Variants in SRPK2 observed in about 807,000 individuals in gnomAD.
SRPK2 encodes the protein SRSF protein kinase 2.
Under a neutral mutation model 90.8 loss-of-function variants are expected in SRPK2, and 21 were observed. That is an observed-to-expected ratio of 0.23 (90% confidence interval 0.16 to 0.33). The LOEUF is 0.33. SRPK2 is among the 10% of genes least tolerant of loss of function. The pLI is 1.00. For missense variants in SRPK2, 620 were observed against 869.0 expected, an observed-to-expected ratio of 0.71 and a Z score of 3.60; for synonymous variants, 288 against 311.1, an observed-to-expected ratio of 0.93 and a Z score of 0.78.
At position 105,280,947 on chromosome 7, in the gene SRPK2, C is replaced by CAA. The variant is rs1158350206; in HGVS notation, c.72-77164_72-77163dup. 7.4e-4 allele frequency among the ~76,000 whole-genome samples: 32 copies of CAA among 43,326 alleles called. 3 individuals carry two copies. The highest frequency in any genetic ancestry group is 2.6e-3 in the Admixed American group (6 of 2,288). The allele number at this position is 43,326 out of a possible 152,430, so 28.4% of individuals were successfully genotyped here. On this transcript the variant is annotated intron_variant, in intron 2 of 15. Transcript: ENST00000393651. The stretch of plus-strand genomic sequence containing the variant: ...GGGCGACAGAGCGAAGACTCCATCT[C>CAA]AAAAAAAAAAAAAAAAAAAAAAAAA...
At chr7:105,168,634 A>C (rs1309090730) in intron 4 of SRPK2, among the ~76,000 whole-genome samples, 1 of 152,030 alleles carries the variant, frequency 6.6e-6, no homozygotes, top group Non-Finnish European at 1.5e-5. Context: ...AATTAAAATA[A>C]GACTAGATAA....
At chr7:105,194,166 C>T (rs1794635176) in intron 3 of SRPK2, among the ~76,000 whole-genome samples, 1 of 151,992 alleles carries the variant, frequency 6.6e-6, no homozygotes, top group Non-Finnish European at 1.5e-5. Flanking sequence ...CTTCCCTACT[C>T]CCAAGGTTGT....
chr7:105,301,375 G>T (rs956102901), intron 2 of SRPK2: 7 of 593,686 alleles, frequency 1.2e-5, no homozygotes, highest in South Asian at 2.0e-5. Flanking sequence ...GGGCACGCAC[G>T]ATTGGCACCT....
At chr7:105,361,932 T>A (rs1011750243) in intron 2 of SRPK2, among the ~76,000 whole-genome samples, 1 of 146,604 alleles carries the variant, frequency 6.8e-6, no homozygotes, top group African/African-American at 2.5e-5. Context: ...ACTTCATGAC[T>A]AAAACACCGA....
chr7:105,164,724 A>T (rs1262286662), intron 6 of SRPK2, among the ~76,000 whole-genome samples: 1 of 152,252 alleles, frequency 6.6e-6, no homozygotes, highest in Non-Finnish European at 1.5e-5. Flanking sequence ...AGAGTGAAGG[A>T]AATGCTTCCC....
At chr7:105,172,938 T>G (rs1480383766) in intron 3 of SRPK2, among the ~76,000 whole-genome samples, 1 of 152,226 alleles carries the variant, frequency 6.6e-6, no homozygotes, top group African/African-American at 2.4e-5. Context: ...TGTATACATG[T>G]GAGCAAAAAC....
intron 2 of SRPK2, among the ~76,000 whole-genome samples, chr7:105,351,279 A>G (rs1817143101): frequency 1.3e-5 from 2 of 151,878 alleles, no homozygotes; most frequent in African/African-American, 4.8e-5. Context: ...CATTAGATGC[A>G]CCCCTTGACC....
At chr7:105,218,120 T>G (rs760411398) in intron 2 of SRPK2, among the ~76,000 whole-genome samples, 1 of 152,164 alleles carries the variant, frequency 6.6e-6, no homozygotes, top group Non-Finnish European at 1.5e-5. Context: ...AAGAAAGGGC[T>G]CATCCACTTC....
At chr7:105,261,026 A>ATT (rs1563161056) in intron 2 of SRPK2, among the ~76,000 whole-genome samples, 2 of 149,284 alleles carry the variant, frequency 1.3e-5, no homozygotes, top group African/African-American at 5.0e-5. Context: ...AGAAATTAAA[A>ATT]AAAAAAAAAA....
intron 3 of SRPK2, among the ~76,000 whole-genome samples, chr7:105,185,015 G>A (rs1000427966): frequency 1.3e-5 from 2 of 152,034 alleles, no homozygotes; most frequent in African/African-American, 4.8e-5. Context: ...AAGAACATGA[G>A]CTTGAGTACA....
intron 2 of SRPK2, among the ~76,000 whole-genome samples, chr7:105,338,305 C>T (rs758183141): frequency 6.6e-6 from 1 of 151,990 alleles, no homozygotes; most frequent in Admixed American, 6.6e-5. Context: ...GCATGATCTC[C>T]GCTCACTGCA....
Position 105,169,243 on chromosome 7 carries a change from A to G in SRPK2, c.252T>C (p.Ile84=). 6.2e-7 allele frequency: 1 copy of G among 1,613,988 alleles called. No individual in the cohort carries two copies. Among genetic ancestry groups the G allele is most frequent in the Non-Finnish European group, 8.5e-7 (1 of 1,179,920 alleles). ...GATACCGGCCATTGAAGAGGTCTCC[A>G]ATTTTCACTGGATGATATCCACCTT... ...YCKGGYHPVK[I]GDLFNGRYHV... is the part of the protein sequence containing the mutation. The change falls in exon 4 of 16, where the codon ATT becomes ATC. Residue 84 remains isoleucine (I), a synonymous_variant. Coordinates refer to ENST00000393651, the MANE Select transcript of SRPK2 (RefSeq NM_182692.3).
intron 11 of SRPK2, among the ~76,000 whole-genome samples, chr7:105,139,895 C>G (rs1041564100): frequency 1.3e-5 from 2 of 151,920 alleles, no homozygotes; most frequent in African/African-American, 4.8e-5. Context: ...ATCTGATATG[C>G]AGGTGCCTCT....
chr7:105,253,864 G>A lies in SRPK2; in HGVS notation c.72-50079C>T, dbSNP rs192365940. Among the ~76,000 whole-genome samples, 39 of 151,616 alleles carry A rather than the reference G, an allele frequency of 2.6e-4. No homozygotes were observed. The East Asian group carries it at 7.3e-3, about 29-fold the overall frequency. On this transcript the variant is annotated intron_variant, in intron 2 of 15. Coordinates refer to ENST00000393651, the MANE Select transcript of SRPK2 (RefSeq NM_182692.3). ...GGCCATGGTTGAAAAGGTAAGGTTAGAGAATCTTAATTCCTGTACATCTTT... is the reference window on the plus strand; with the variant it reads ...GGCCATGGTTGAAAAGGTAAGGTTAAAGAATCTTAATTCCTGTACATCTTT...
chr7:105,225,242 ACTTG>A (rs1297383728), intron 2 of SRPK2, among the ~76,000 whole-genome samples: 2 of 152,158 alleles, frequency 1.3e-5, no homozygotes, highest in African/African-American at 4.8e-5. Flanking sequence ...ATAAAATCTG[ACTTG>A]CTTTTCTGCC....
intron 3 of SRPK2, among the ~76,000 whole-genome samples, chr7:105,199,911 A>G (rs1235772324): frequency 1.3e-5 from 2 of 151,818 alleles, no homozygotes; most frequent in Non-Finnish European, 2.9e-5. Flanking sequence ...AAAAAAAAAA[A>G]AAAAGCAGGA....
At chr7:105,208,089 C>T (rs796789777) in intron 2 of SRPK2, among the ~76,000 whole-genome samples, 3 of 152,276 alleles carry the variant, frequency 2.0e-5, no homozygotes, top group African/African-American at 7.2e-5. Context: ...ATCAAAACTA[C>T]AGTCTGACAC....
chr7:105,233,080 AAAGGAAGGAAAGAAGGAAGG>A (rs1466285416), intron 2 of SRPK2, among the ~76,000 whole-genome samples: 23 of 117,164 alleles, frequency 2.0e-4, no homozygotes, highest in East Asian at 8.9e-4. Flanking sequence ...GGAAGGAAGG[AAAGGAAGGAAAGAAGGAAGG>A]AAGGAAGGAA....
At chr7:105,223,955 T>G (rs1196933523) in intron 2 of SRPK2, among the ~76,000 whole-genome samples, 2 of 152,228 alleles carry the variant, frequency 1.3e-5, no homozygotes, top group East Asian at 3.8e-4. Flanking sequence ...GAGCAGGCTA[T>G]GCATATCTTC....
Sources: allele counts gnomAD v4.1 joint callset (sites outside exome capture counted in the v4.1 genomes callset), GRCh38; gene constraint gnomAD v4.1.1; transcripts MANE v1.5; gene names NCBI Gene and HGNC (gene_info 2026-07-23, HGNC 2026-07-21).